ZNF799: variants seen among roughly 807,000 people sequenced by gnomAD.
ZNF799 encodes the protein zinc finger protein 14.
Under a neutral mutation model 41.0 loss-of-function variants are expected in ZNF799, and 28 were observed. The observed-to-expected ratio is 0.68, with a 90% CI of 0.51 to 0.94. The LOEUF is 0.94. Ranked by LOEUF, ZNF799 falls within the 40% of genes least tolerant of loss-of-function variation. The probability of loss-of-function intolerance (pLI) is 0.00; values close to 1 mark genes in which losing one functional copy is unlikely to be tolerated. For missense variants in ZNF799, 716 were observed against 764.3 expected (o/e 0.94, Z 0.74); for synonymous variants, 213 against 252.9 (o/e 0.84, Z 1.50).
the ZNF799 span, among the ~76,000 whole-genome samples, chr19:12,407,516 AC>A: frequency 6.6e-6 from 1 of 152,118 alleles, no homozygotes; most frequent in Admixed American, 6.6e-5. Context: ...AATTCTGGTC[AC>A]ACACACACAA....
the ZNF799 span, among the ~76,000 whole-genome samples, chr19:12,408,205 A>C: frequency 1.3e-5 from 2 of 152,288 alleles, no homozygotes; most frequent in South Asian, 4.1e-4. Context: ...TGAAACAAGT[A>C]GTATAGTATA....
chr19:12,400,540 GC>G (rs1444708460), intron 1 of ZNF799: 1 of 165,724 alleles, frequency 6.0e-6, no homozygotes, highest in African/African-American at 2.4e-5. Flanking sequence ...GCAAAGGCTG[GC>G]GCCAATCAGG....
rs572306774 is a variant in ZNF799, at chr19:12,398,559, C to T, written c.3+2509G>A. 9.0e-3 allele frequency among the ~76,000 whole-genome samples: 1,370 copies of T among 152,224 alleles called. 13 individuals are homozygous for T. The highest frequency in any genetic ancestry group is 0.031 in the African/African-American group (1,269 of 41,522). ...ACTATTTCCATGATAGTAAGTGATA[C>T]AGTTAAAAATAATTATATTTTACTT... On this transcript the variant is annotated intron_variant, in intron 1 of 3. Coordinates refer to ENST00000430385, the MANE Select transcript of ZNF799 (RefSeq NM_001080821.3).
chr19:12,407,506 A>C, the ZNF799 span, among the ~76,000 whole-genome samples: 1 of 152,076 alleles, frequency 6.6e-6, no homozygotes, highest in Non-Finnish European at 1.5e-5. Flanking sequence ...AACTAGAACA[A>C]ATTCTGGTCA....
chr19:12,405,637 C>T (rs1190944596), upstream of ZNF799, among the ~76,000 whole-genome samples: 1 of 152,148 alleles, frequency 6.6e-6, no homozygotes, highest in African/African-American at 2.4e-5. Context: ...TGAATGAACA[C>T]AGAGGAATAG....
chr19:12,398,087 A>G (rs1324141085), intron 1 of ZNF799: 1 of 152,064 alleles, frequency 6.6e-6, no homozygotes, highest in Non-Finnish European at 1.5e-5. Flanking sequence ...TGTCTCCACT[A>G]AAAATACGAA....
At chr19:12,409,771 T>C in the ZNF799 span, among the ~76,000 whole-genome samples, 2 of 152,196 alleles carry the variant, frequency 1.3e-5, no homozygotes, top group African/African-American at 4.8e-5. Context: ...AAAGTCGACA[T>C]TTGAACAACA....
chr19:12,402,418 T>TA (rs1555762781), upstream of ZNF799, among the ~76,000 whole-genome samples: 1 of 147,486 alleles, frequency 6.8e-6, no homozygotes, highest in Non-Finnish European at 1.5e-5. Flanking sequence ...CTTTATTTCT[T>TA]TTTTTTTTTT....
upstream of ZNF799, among the ~76,000 whole-genome samples, chr19:12,402,416 CTTT>C (rs745521629): frequency 8.0e-6 from 1 of 125,040 alleles, no homozygotes; most frequent in Non-Finnish European, 1.6e-5. Flanking sequence ...CCCTTTATTT[CTTT>C]TTTTTTTTTT....
At chr19:12,407,674 A>G in the ZNF799 span, among the ~76,000 whole-genome samples, 1 of 152,162 alleles carries the variant, frequency 6.6e-6, no homozygotes, top group African/African-American at 2.4e-5. Flanking sequence ...AATATCAACA[A>G]TGTATTGGGT....
upstream of ZNF799, among the ~76,000 whole-genome samples, chr19:12,404,585 G>T (rs949862833): frequency 1.3e-4 from 20 of 152,114 alleles, no homozygotes; most frequent in South Asian, 3.5e-3. Context: ...CACCATGCCC[G>T]GCCCTCAGTG....
chr19:12,391,936 G>C lies in ZNF799; in HGVS notation c.462C>G (p.Asn154Lys). The C allele has an allele frequency of 6.2e-7, 1 of 1,614,122 alleles. No individual in the cohort carries two copies. The highest frequency in any genetic ancestry group is 8.5e-7 in the Non-Finnish European group (1 of 1,180,008). ...KQRGKAFSYH[N>K]SLQTHERLHT... ...GAAGCCTCTCATGTGTTTGAAGTGAGTTGTGGTAACTGAAGGCTTTCCCAC... is the reference window on the plus strand; with the variant it reads ...GAAGCCTCTCATGTGTTTGAAGTGACTTGTGGTAACTGAAGGCTTTCCCAC... Residue 154 changes from asparagine to lysine, a missense_variant, in exon 4 of 4, where the codon AAC becomes AAG. Transcript: ENST00000430385.
chr19:12,406,518 T>G, the ZNF799 span, among the ~76,000 whole-genome samples: 1 of 150,164 alleles, frequency 6.7e-6, no homozygotes, highest in Non-Finnish European at 1.5e-5. Context: ...AAAATAACCG[T>G]CTCAAATATG....
the ZNF799 span, among the ~76,000 whole-genome samples, chr19:12,407,424 C>G: frequency 6.7e-6 from 1 of 150,092 alleles, no homozygotes; most frequent in Non-Finnish European, 1.5e-5. Flanking sequence ...ATTCCTGTCA[C>G]TGCACTCCAG....
At chr19:12,410,202 T>C in the ZNF799 span, among the ~76,000 whole-genome samples, 3 of 145,920 alleles carry the variant, frequency 2.1e-5, no homozygotes, top group Admixed American at 7.0e-5. Flanking sequence ...TACATACATA[T>C]ACACATACAT....
chr19:12,391,016 T>A lies in ZNF799; in HGVS notation c.1382A>T (p.Tyr461Phe), dbSNP rs537596404. ...CKCGKAFIDF[Y>F]SFQNHKTTHA... ...AGTTGTTTTGTGATTTTGAAAGGAA[T>A]AGAAATCAATAAAGGCTTTCCCACA... Residue 461 changes from tyrosine to phenylalanine, a missense_variant, in exon 4 of 4, where the codon TAT (tyrosine) becomes TTT (phenylalanine). Physicochemically the swap from Tyr to Phe is conservative, Grantham distance 22 (BLOSUM62 3). Around this residue, in one of 2 missense-constraint regions of ZNF799, gnomAD observed 698 missense variants for 713.6 expected, o/e 0.98. Coordinates refer to ENST00000430385, the MANE Select transcript of ZNF799 (RefSeq NM_001080821.3). 2 of 1,613,798 alleles carry A rather than the reference T, an allele frequency of 1.2e-6. No individual in the cohort carries two copies. The highest frequency in any genetic ancestry group is 1.7e-6 in the Non-Finnish European group (2 of 1,179,834).
chr19:12,405,801 C>T (rs772567369), upstream of ZNF799, among the ~76,000 whole-genome samples: 3 of 152,074 alleles, frequency 2.0e-5, no homozygotes, highest in Non-Finnish European at 4.4e-5. Context: ...TACAGAGAAA[C>T]ATGAAAATGT....
At chr19:12,399,562 T>C (rs1315555579) in intron 1 of ZNF799, among the ~76,000 whole-genome samples, 1 of 148,356 alleles carries the variant, frequency 6.7e-6, no homozygotes, top group African/African-American at 2.6e-5. Flanking sequence ...ACACCCCCCA[T>C]CTCAGGCTGT....
the ZNF799 span, among the ~76,000 whole-genome samples, chr19:12,414,165 C>T: frequency 7.9e-5 from 12 of 152,080 alleles, no homozygotes; most frequent in African/African-American, 2.7e-4. Flanking sequence ...ACAGTTCTCA[C>T]GACCCCACCC....
Sources: gnomAD v4.1 joint callset for allele counts (sites outside exome capture counted in the v4.1 genomes callset) on GRCh38, gnomAD v4.1.1 for gene constraint, gnomAD v4.1.1 regional missense constraint, MANE v1.5 for transcripts, NCBI Gene and HGNC (gene_info 2026-07-23, HGNC 2026-07-21) for gene names.